NCOA2: variants seen among roughly 807,000 people sequenced by gnomAD.
NCOA2 encodes class E basic helix-loop-helix protein 75.
In NCOA2, 21 loss-of-function variants were observed where a neutral mutation model predicts 145.1. The ratio of observed to expected loss-of-function variants is 0.14; its 90% CI spans 0.10 to 0.21. The LOEUF is 0.21. Among genes scored for constraint, NCOA2 ranks in the 10% least tolerant of loss-of-function variants. The probability of loss-of-function intolerance (pLI) is 1.00; values close to 1 mark genes in which losing one functional copy is unlikely to be tolerated. For missense variants in NCOA2, 1,472 were observed against 1,837.6 expected, an observed-to-expected ratio of 0.80 and a Z score of 3.64; for synonymous variants, 619 against 637.5, an observed-to-expected ratio of 0.97 and a Z score of 0.44.
At chr8:70,422,492 C>A in the NCOA2 span, among the ~76,000 whole-genome samples, 2 of 151,978 alleles carry the variant, frequency 1.3e-5, no homozygotes, top group South Asian at 4.2e-4. Flanking sequence ...CTCACTGCAA[C>A]CTCTGCTTCC....
At chr8:70,258,452 T>C (rs1017515273) in intron 2 of NCOA2, among the ~76,000 whole-genome samples, 2 of 152,210 alleles carry the variant, frequency 1.3e-5, no homozygotes, top group Non-Finnish European at 2.9e-5. Flanking sequence ...AGGAAGTTTT[T>C]CTTTATCTGC....
At chr8:70,193,784 T>C (rs1211385285) in intron 4 of NCOA2, among the ~76,000 whole-genome samples, 1 of 152,088 alleles carries the variant, frequency 6.6e-6, no homozygotes, top group Non-Finnish European at 1.5e-5. Context: ...AAATAAGAAA[T>C]CACCACTGCT....
chr8:70,212,523 A>G (rs1165276851), intron 4 of NCOA2, among the ~76,000 whole-genome samples: 2 of 152,128 alleles, frequency 1.3e-5, no homozygotes, highest in African/African-American at 2.4e-5. Flanking sequence ...TGTGAATGCT[A>G]TATGTATATT....
chr8:70,259,856 G>C (rs951555219), intron 2 of NCOA2, among the ~76,000 whole-genome samples: 1 of 152,126 alleles, frequency 6.6e-6, no homozygotes, highest in Non-Finnish European at 1.5e-5. Context: ...CTTATAACTG[G>C]GAATCACTAT....
rs147872390 is a variant in NCOA2 at position 70,323,963 on chromosome 8, C to T, written c.-76-27163G>A. 3.9e-5 allele frequency among the ~76,000 whole-genome samples: 6 copies of T among 152,258 alleles called. No homozygotes were observed. In the East Asian group the frequency reaches 1.2e-3, roughly 29 times the overall value. On this transcript the variant is annotated intron_variant, in intron 1 of 22. Coordinates refer to ENST00000452400, the MANE Select transcript of NCOA2 (RefSeq NM_006540.4). ...CCTGAACAGTCTGGGGTCCCATTTC[C>T]CAGGCCCAGCCCTTCCCCTACCCAT...
At chr8:70,130,818 GA>G (rs1185904341) in intron 16 of NCOA2, among the ~76,000 whole-genome samples, 3 of 152,150 alleles carry the variant, frequency 2.0e-5, no homozygotes, top group Non-Finnish European at 4.4e-5. Flanking sequence ...AAGTAAGGAG[GA>G]AAACAGTAAC....
intron 19 of NCOA2, 46 bp downstream of exon 19, chr8:70,126,766 TG>T: frequency 6.6e-7 from 1 of 1,504,596 alleles, no homozygotes; most frequent in Non-Finnish European, 9.2e-7. Context: ...TGGGGGACAC[TG>T]GGGAGAAAGG....
chr8:70,180,783 T>C (rs76878493), intron 4 of NCOA2, among the ~76,000 whole-genome samples: 8,329 of 152,258 alleles, frequency 0.055, 305 homozygotes, highest in East Asian at 0.16. Context: ...CATCACACAC[T>C]ACAGCCTTGA....
At chr8:70,128,618 T>C in intron 17 of NCOA2, 84 bp downstream of exon 17, 1 of 1,592,948 alleles carries the variant, frequency 6.3e-7, no homozygotes, top group East Asian at 2.2e-5. Context: ...TGCACATTGT[T>C]GGACAGCTGT....
At chr8:70,202,243 G>C (rs1189416777) in intron 4 of NCOA2, among the ~76,000 whole-genome samples, 1 of 152,152 alleles carries the variant, frequency 6.6e-6, no homozygotes, top group African/African-American at 2.4e-5. Context: ...TGGTGGAATT[G>C]TAAAATGATG....
At chr8:70,394,002 G>A (rs1236582319) in intron 1 of NCOA2, among the ~76,000 whole-genome samples, 1 of 152,140 alleles carries the variant, frequency 6.6e-6, no homozygotes, top group Admixed American at 6.5e-5. Flanking sequence ...CATTCTATTA[G>A]GATCGTTAAT....
the NCOA2 span, among the ~76,000 whole-genome samples, chr8:70,439,956 G>A: frequency 6.6e-6 from 1 of 152,172 alleles, no homozygotes; most frequent in African/African-American, 2.4e-5. Flanking sequence ...AAGGTGTCAA[G>A]AGAGCAATCT....
intron 5 of NCOA2, among the ~76,000 whole-genome samples, chr8:70,172,932 T>C (rs1355151416): frequency 1.3e-5 from 2 of 152,226 alleles, no homozygotes; most frequent in African/African-American, 4.8e-5. Context: ...GCAACCACTA[T>C]GCTATGATGT....
intron 1 of NCOA2, among the ~76,000 whole-genome samples, chr8:70,374,089 CT>C (rs1426136955): frequency 6.6e-6 from 1 of 152,096 alleles, no homozygotes; most frequent in Non-Finnish European, 1.5e-5. Context: ...GAAAACAACA[CT>C]GAAAATATAA....
At chr8:70,314,298 A>G (rs1371189227) in intron 1 of NCOA2, among the ~76,000 whole-genome samples, 1 of 151,910 alleles carries the variant, frequency 6.6e-6, no homozygotes. Context: ...ATCAAAGTAC[A>G]GTATGCTTCA....
At chr8:70,288,658 G>A (rs767675415) in intron 2 of NCOA2, among the ~76,000 whole-genome samples, 5 of 151,290 alleles carry the variant, frequency 3.3e-5, no homozygotes, top group African/African-American at 9.7e-5. Context: ...CACACATTAC[G>A]GTTTAAAGGA....
chr8:70,430,031 C>T, the NCOA2 span, among the ~76,000 whole-genome samples: 6 of 151,966 alleles, frequency 3.9e-5, no homozygotes, highest in Admixed American at 1.3e-4. Context: ...TTTCTTATTT[C>T]GTGTAGAGAT....
At chr8:70,205,263 G>C (rs1014229859) in intron 4 of NCOA2, among the ~76,000 whole-genome samples, 48 of 152,160 alleles carry the variant, frequency 3.2e-4, no homozygotes, top group African/African-American at 1.0e-3. Context: ...GAATGTAATG[G>C]GAATAGACAG....
intron 4 of NCOA2, among the ~76,000 whole-genome samples, chr8:70,179,572 G>T (rs1253886436): frequency 6.6e-6 from 1 of 152,148 alleles, no homozygotes. Flanking sequence ...TAAATCCTTA[G>T]ATATTTATAC....
Sources: allele counts gnomAD v4.1 joint callset (sites outside exome capture counted in the v4.1 genomes callset), GRCh38; gene constraint gnomAD v4.1.1; transcripts MANE v1.5; gene names NCBI Gene and HGNC (gene_info 2026-07-23, HGNC 2026-07-21).